FKBP9: variants seen among roughly 807,000 people sequenced by gnomAD.
FKBP9 encodes the protein peptidyl-prolyl cis-trans isomerase FKBP9.
A neutral mutation model predicts 55.6 loss-of-function variants in FKBP9; 27 were observed. The observed-to-expected ratio is 0.49, with a 90% confidence interval of 0.36 to 0.67. The LOEUF (loss-of-function observed/expected upper bound fraction) is 0.67. Ranked by LOEUF, FKBP9 falls within the 30% of genes least tolerant of loss-of-function variation. FKBP9 has a pLI of 0.00. For missense variants in FKBP9, 539 were observed against 742.8 expected (o/e 0.73, Z 3.19); for synonymous variants, 267 against 296.5 (o/e 0.90, Z 1.02).
chr7:33,003,032 C>G (rs1252444645), intron 9 of FKBP9, 193 bp downstream of exon 9: 8 of 570,610 alleles, frequency 1.4e-5, no homozygotes, highest in Non-Finnish European at 2.5e-5. Flanking sequence ...CCATTCCTCT[C>G]TGAAGAAACC....
chr7:32,995,408 G>A (rs1235982702), intron 6 of FKBP9, among the ~76,000 whole-genome samples: 1 of 152,110 alleles, frequency 6.6e-6, no homozygotes, highest in East Asian at 1.9e-4. Context: ...ATATGTTTAA[G>A]TGTCCCCCAC....
chr7:32,975,021 T>C, intron 2 of FKBP9, 161 bp from the exon 3 acceptor site: 1 of 673,170 alleles, frequency 1.5e-6, no homozygotes, highest in Non-Finnish European at 2.5e-6. Context: ...TCAATTTCAT[T>C]TGGAGGAAAG....
rs760247071 is a variant in FKBP9, at chr7:32,965,797, C to CAAAA, written c.221+8016_221+8019dup. Among the ~76,000 whole-genome samples the CAAAA allele has an allele frequency of 7.0e-3, 268 of 38,542 alleles. 1 individual carries two copies. The highest frequency in any genetic ancestry group is 8.6e-3 in the Admixed American group (14 of 1,632). 25.3% of individuals were successfully genotyped at this position (38,542 alleles called of 152,430 possible). On this transcript the variant is annotated intron_variant, in intron 1 of 9. Coordinates refer to ENST00000242209, the MANE Select transcript of FKBP9 (RefSeq NM_007270.5). ...TGGGCAACAGAGCGAGACTCCATGT[C>CAAAA]AAAAAAAAAAAAAAAATATATATAT...
intron 1 of FKBP9, 61 bp from the exon 2 acceptor site, chr7:32,974,556 T>C (rs1313373877): frequency 6.6e-6 from 10 of 1,507,210 alleles, no homozygotes; most frequent in Admixed American, 1.8e-5. Flanking sequence ...CAGGTTGGTT[T>C]TTACTGAGGA....
intron 1 of FKBP9, among the ~76,000 whole-genome samples, chr7:32,959,932 C>CT (rs566960377): frequency 1.3e-5 from 2 of 151,852 alleles, no homozygotes; most frequent in Non-Finnish European, 1.5e-5. Flanking sequence ...GTACCTTTTC[C>CT]TTTTTTTGGA....
chr7:32,974,205 G>GC (rs894968170), intron 1 of FKBP9, among the ~76,000 whole-genome samples: 6 of 151,028 alleles, frequency 4.0e-5, no homozygotes, highest in African/African-American at 7.3e-5. Context: ...GAGGCGGGGG[G>GC]GCCTCACTTT....
At position 32,975,210 on chromosome 7, in the gene FKBP9, T is replaced by G. The variant is rs1319037507; in HGVS notation, c.396T>G (p.Leu132=). Residue 132 remains leucine (L), a synonymous_variant, in exon 3 of 10, where the codon CTT becomes CTG. Transcript: ENST00000242209. ...VSGVIPPNSV[L]HFDVLLMDIW... ...GTGTGATCCCCCCCAATTCAGTGCT[T>G]CATTTTGATGTACTTCTGATGGATA... 4 of 1,613,738 alleles carry G rather than the reference T, an allele frequency of 2.5e-6. No homozygotes were observed. The highest frequency in any genetic ancestry group is 2.7e-5 in the African/African-American group (2 of 74,940).
intron 6 of FKBP9, among the ~76,000 whole-genome samples, chr7:32,989,994 A>AT (rs1784650371): frequency 6.6e-6 from 1 of 150,538 alleles, no homozygotes; most frequent in African/African-American, 2.4e-5. Flanking sequence ...ATTCAAAAGC[A>AT]ATTTTTTTTT....
chr7:32,976,536 C>T, intron 4 of FKBP9, 37 bp downstream of exon 4: 1 of 1,559,064 alleles, frequency 6.4e-7, no homozygotes, highest in Non-Finnish European at 8.7e-7. Flanking sequence ...CTCTTTCCTA[C>T]CCTTATTTTT....
intron 6 of FKBP9, among the ~76,000 whole-genome samples, chr7:32,991,261 G>A (rs1399762691): frequency 1.3e-5 from 2 of 152,102 alleles, no homozygotes; most frequent in East Asian, 1.9e-4. Flanking sequence ...TAAGCCTCTG[G>A]GAAGCAGCCG....
chr7:32,994,432 G>A (rs1181595288), intron 6 of FKBP9, among the ~76,000 whole-genome samples: 1 of 152,210 alleles, frequency 6.6e-6, no homozygotes, highest in Non-Finnish European at 1.5e-5. Context: ...TACCAAGGTT[G>A]AGGAACCATA....
At chr7:32,965,137 T>C (rs1432737732) in intron 1 of FKBP9, among the ~76,000 whole-genome samples, 1 of 152,210 alleles carries the variant, frequency 6.6e-6, no homozygotes, top group Non-Finnish European at 1.5e-5. Flanking sequence ...TGGCAGTCTT[T>C]TTTTTAATTT....
chr7:33,003,773 C>T (rs1040718622), intron 9 of FKBP9, among the ~76,000 whole-genome samples: 1 of 152,204 alleles, frequency 6.6e-6, no homozygotes, highest in African/African-American at 2.4e-5. Context: ...TGTCCCTGAT[C>T]GCTTCATGTT....
chr7:33,003,119 C>T (rs1385821836), intron 9 of FKBP9, among the ~76,000 whole-genome samples: 1 of 152,190 alleles, frequency 6.6e-6, no homozygotes, highest in Non-Finnish European at 1.5e-5. Flanking sequence ...TGCTCAATGC[C>T]TGCCTGTATG....
chr7:32,997,469 G>C (rs533199365), intron 7 of FKBP9, among the ~76,000 whole-genome samples: 1 of 152,124 alleles, frequency 6.6e-6, no homozygotes, highest in South Asian at 2.1e-4. Flanking sequence ...CTCCCCTCTT[G>C]GCCTCCCAAA....
At chr7:32,980,680 A>T (rs1209871622) in intron 5 of FKBP9, 127 bp downstream of exon 5, 1 of 1,413,448 alleles carries the variant, frequency 7.1e-7, no homozygotes, top group Non-Finnish European at 9.5e-7. Context: ...CTCTAATACA[A>T]GTTTCTGTTT....
At chr7:32,976,119 G>C (rs1385119113) in intron 3 of FKBP9, among the ~76,000 whole-genome samples, 1 of 152,220 alleles carries the variant, frequency 6.6e-6, no homozygotes, top group Admixed American at 6.5e-5. Flanking sequence ...TGTTTGATTA[G>C]TGGAATAGCT....
At chr7:32,986,454 G>A (rs1784579077) in intron 5 of FKBP9, among the ~76,000 whole-genome samples, 1 of 152,224 alleles carries the variant, frequency 6.6e-6, no homozygotes. Context: ...GGTGAGCCCT[G>A]CTCTGGCTGA....
At chr7:32,961,342 G>A (rs1213702238) in intron 1 of FKBP9, among the ~76,000 whole-genome samples, 2 of 152,140 alleles carry the variant, frequency 1.3e-5, no homozygotes, top group South Asian at 2.1e-4. Context: ...TAGCACAGTA[G>A]TGTTTAAACT....
Sources: gnomAD v4.1 joint callset for allele counts (sites outside exome capture counted in the v4.1 genomes callset) on GRCh38, gnomAD v4.1.1 for gene constraint, MANE v1.5 for transcripts, NCBI Gene and HGNC (gene_info 2026-07-23, HGNC 2026-07-21) for gene names.